The following TEAD1 variants were observed in gnomAD, a reference collection of about 807,000 sequenced individuals.
TEAD1 encodes the protein TEA domain transcription factor 1, also known as transcriptional enhancer factor TEF-1.
A neutral mutation model predicts 54.9 loss-of-function variants in TEAD1; 9 were observed. That is an observed-to-expected ratio of 0.16 (90% CI 0.10 to 0.29). The LOEUF is 0.29. Ranked by LOEUF, TEAD1 falls within the 10% of genes least tolerant of loss-of-function variation. The pLI, the probability that TEAD1 is intolerant of heterozygous loss-of-function variation, is 1.00. For synonymous variants in TEAD1, 200 were observed against 187.8 expected (o/e 1.07, Z -0.53); for missense variants, 387 against 535.9 (o/e 0.72, Z 2.74).
intron 3 of TEAD1, among the ~76,000 whole-genome samples, chr11:12,851,897 C>G (rs1288904238): frequency 6.6e-6 from 1 of 152,104 alleles, no homozygotes; most frequent in Non-Finnish European, 1.5e-5. Flanking sequence ...GGAGCAGTCA[C>G]TATTCTAGGA....
intron 3 of TEAD1, among the ~76,000 whole-genome samples, chr11:12,804,229 A>C (rs1946121854): frequency 6.6e-6 from 1 of 152,216 alleles, no homozygotes; most frequent in African/African-American, 2.4e-5. Flanking sequence ...CCAGCTTGCA[A>C]AATACGGCTT....
At chr11:12,844,897 C>T (rs1461622164) in intron 3 of TEAD1, among the ~76,000 whole-genome samples, 1 of 150,830 alleles carries the variant, frequency 6.6e-6, no homozygotes, top group African/African-American at 2.4e-5. Context: ...CATGTGTTGG[C>T]TCCAAGGAAG....
chr11:12,916,552 T>C (rs796290812), intron 10 of TEAD1, among the ~76,000 whole-genome samples: 4 of 152,286 alleles, frequency 2.6e-5, no homozygotes, highest in African/African-American at 7.2e-5. Flanking sequence ...AGATTACAGG[T>C]GAATTTTATA....
chr11:12,892,521 G>A (rs1306743218), intron 9 of TEAD1, among the ~76,000 whole-genome samples: 3 of 152,308 alleles, frequency 2.0e-5, no homozygotes, highest in South Asian at 2.1e-4. Flanking sequence ...GTGGGTGCCT[G>A]TAATCCCAGC....
At chr11:12,909,682 G>A (rs974628756) in intron 10 of TEAD1, among the ~76,000 whole-genome samples, 2 of 152,146 alleles carry the variant, frequency 1.3e-5, no homozygotes, top group African/African-American at 4.8e-5. Flanking sequence ...TCCACCCCTA[G>A]GCAGAGGAGT....
At chr11:12,884,367 C>T (rs564915097) in intron 9 of TEAD1, among the ~76,000 whole-genome samples, 2 of 152,322 alleles carry the variant, frequency 1.3e-5, no homozygotes, top group African/African-American at 2.4e-5. Context: ...TATCTCACCC[C>T]ATCCTTCCCA....
intron 2 of TEAD1, among the ~76,000 whole-genome samples, chr11:12,719,953 T>G (rs967690500): frequency 8.6e-5 from 2 of 23,296 alleles, no homozygotes; most frequent in African/African-American, 6.2e-4. Flanking sequence ...TCTAATGTTT[T>G]TTTTTTTTTT....
At chr11:12,681,457 G>A (rs1459018559) in intron 2 of TEAD1, among the ~76,000 whole-genome samples, 1 of 152,194 alleles carries the variant, frequency 6.6e-6, no homozygotes, top group African/African-American at 2.4e-5. Flanking sequence ...GTAATTTGGA[G>A]GCAAGAAGCA....
chr11:12,879,499 C>G, intron 5 of TEAD1: 1 of 682,864 alleles, frequency 1.5e-6, no homozygotes, highest in Non-Finnish European at 2.6e-6. Context: ...AAGCCTTGCC[C>G]CATTGGGTCT....
chr11:12,910,401 G>A (rs974092843), intron 10 of TEAD1, among the ~76,000 whole-genome samples: 3 of 152,108 alleles, frequency 2.0e-5, no homozygotes, highest in Non-Finnish European at 4.4e-5. Flanking sequence ...AAAGAAAGCT[G>A]TATGCTTTTA....
chr11:12,908,865 G>C (rs901868881), intron 10 of TEAD1, among the ~76,000 whole-genome samples: 2 of 140,342 alleles, frequency 1.4e-5, no homozygotes, highest in Admixed American at 1.4e-4. Flanking sequence ...CTATATGTCA[G>C]TATACTTCAA....
At chr11:12,752,478 G>A (rs561905197) in intron 2 of TEAD1, among the ~76,000 whole-genome samples, 2 of 152,272 alleles carry the variant, frequency 1.3e-5, no homozygotes, top group South Asian at 4.1e-4. Context: ...TAACGTAGAT[G>A]AATTTCGTTA....
At chr11:12,848,508 G>A (rs988412102) in intron 3 of TEAD1, among the ~76,000 whole-genome samples, 3 of 152,170 alleles carry the variant, frequency 2.0e-5, no homozygotes, top group African/African-American at 4.8e-5. Context: ...AGACAAAGCT[G>A]GGTTCAAATC....
At chr11:12,753,035 G>A (rs1024399548) in intron 2 of TEAD1, among the ~76,000 whole-genome samples, 1 of 146,948 alleles carries the variant, frequency 6.8e-6, no homozygotes, top group Non-Finnish European at 1.5e-5. Context: ...TGTAGAGATA[G>A]GGTCTCACTA....
At chr11:12,710,493 T>A (rs1336257153) in intron 2 of TEAD1, among the ~76,000 whole-genome samples, 3 of 152,126 alleles carry the variant, frequency 2.0e-5, no homozygotes. Flanking sequence ...TAAATGATGG[T>A]TAAACTGGGT....
At chr11:12,712,067 A>G (rs1943949400) in intron 2 of TEAD1, among the ~76,000 whole-genome samples, 1 of 152,068 alleles carries the variant, frequency 6.6e-6, no homozygotes, top group Admixed American at 6.6e-5. Context: ...CCACTTGGAT[A>G]ATTTGCATCT....
intron 3 of TEAD1, among the ~76,000 whole-genome samples, chr11:12,843,542 G>A (rs1947082786): frequency 6.6e-6 from 1 of 152,202 alleles, no homozygotes; most frequent in South Asian, 2.1e-4. Context: ...CAGTCTTAGA[G>A]TAAATTATAA....
chr11:12,732,155 G>A (rs1467955962), intron 2 of TEAD1, among the ~76,000 whole-genome samples: 1 of 151,940 alleles, frequency 6.6e-6, no homozygotes, highest in African/African-American at 2.4e-5. Flanking sequence ...AAGTCAGCTG[G>A]TCATTATATC....
At chr11:12,805,668 G>C (rs750005164) in intron 3 of TEAD1, among the ~76,000 whole-genome samples, 1 of 152,252 alleles carries the variant, frequency 6.6e-6, no homozygotes, top group East Asian at 1.9e-4. Flanking sequence ...TTGATAGTTA[G>C]GTATCATAGT....
Sources: allele counts gnomAD v4.1 joint callset (sites outside exome capture counted in the v4.1 genomes callset), GRCh38; gene constraint gnomAD v4.1.1; transcripts MANE v1.5; gene names NCBI Gene and HGNC (gene_info 2026-07-23, HGNC 2026-07-21).